The following UCP2 variants were observed in gnomAD, a reference collection of about 807,000 sequenced individuals.
UCP2 encodes the protein dicarboxylate carrier SLC25A8.
UCP2 carries 27 observed loss-of-function variants against 31.3 expected under a neutral mutation model. That is an observed-to-expected ratio of 0.86 (90% CI 0.64 to 1.19). The LOEUF (loss-of-function observed/expected upper bound fraction) is 1.19, where lower values mean the gene tolerates loss of function less well. Ranked by LOEUF, UCP2 falls within the 50% of genes most tolerant of loss-of-function variation. The pLI is 0.00. For missense variants in UCP2, 377 were observed against 413.5 expected (o/e 0.91, Z 0.76); for synonymous variants, 142 against 157.4 (o/e 0.90, Z 0.73).
chr11:73,975,774 CAGAG>C, intron 6 of UCP2, 103 bp from the exon 7 acceptor site: 2 of 1,425,744 alleles, frequency 1.4e-6, no homozygotes, highest in East Asian at 2.4e-5. Flanking sequence ...TTTAAAGAGA[CAGAG>C]AGGCTGGGCA....
chr11:73,980,048 C>T (rs1163019472), intron 2 of UCP2: 1 of 152,256 alleles, frequency 6.6e-6, no homozygotes, highest in Admixed American at 6.6e-5. Context: ...GGGTCCAGGT[C>T]AGAGCTGTGA....
At chr11:73,976,523 T>TCC in intron 6 of UCP2, 118 bp downstream of exon 6, 1 of 832,906 alleles carries the variant, frequency 1.2e-6, no homozygotes, top group Non-Finnish European at 2.0e-6. Flanking sequence ...TATCTTACTC[T>TCC]CCCTGCAAAG....
chr11:73,975,214 C>A, intron 7 of UCP2, 93 bp from the exon 8 acceptor site: 1 of 1,229,974 alleles, frequency 8.1e-7, no homozygotes, highest in Non-Finnish European at 1.2e-6. Context: ...TGCTCTGTCC[C>A]AAAGGAGGCT....
chr11:73,982,473 T>C (rs1018891145), intron 1 of UCP2, among the ~76,000 whole-genome samples: 1 of 152,044 alleles, frequency 6.6e-6, no homozygotes, highest in Admixed American at 6.6e-5. Context: ...TAATCCCAGC[T>C]ACTCGGCAGG....
Position 73,975,542 on chromosome 11 carries a change from T to G in UCP2, c.764A>C (p.His255Pro). 6.2e-7 allele frequency: 1 copy of G among 1,613,490 alleles called. No homozygotes were observed. The highest frequency in any genetic ancestry group is 1.3e-5 in the African/African-American group (1 of 75,030). The change falls in exon 7 of 8, where the codon CAC (histidine) becomes CCC (proline). Residue 255 changes from histidine to proline, a missense_variant. His to Pro is a moderately conservative substitution (Grantham distance 77). Transcript: ENST00000663595. ...SALGQYSSAG[H>P]CALTMLQKEG... Reference sequence around the variant, plus strand: ...CTTCTGGAGCATGGTAAGGGCACAGTGGCCAGCGCTACTGTACTGGCCCAG... The same window carrying G: ...CTTCTGGAGCATGGTAAGGGCACAGGGGCCAGCGCTACTGTACTGGCCCAG...
chr11:73,982,560 G>A (rs1260249009), intron 1 of UCP2, among the ~76,000 whole-genome samples, 161 bp downstream of exon 1: 1 of 152,244 alleles, frequency 6.6e-6, no homozygotes, highest in African/African-American at 2.4e-5. Flanking sequence ...GGGAGACAGA[G>A]CGAAAGCCTG....
chr11:73,974,934 AGAAG>A lies in UCP2; in HGVS notation c.*69_*72del. ...GAGAGAAGGGAAGGAGGGAAGAGAA[AGAAG>A]GAAGAAAAGGAAAGCATGGCCCGGC... On this transcript the variant is annotated 3_prime_UTR_variant, in exon 8 of 8. Coordinates refer to ENST00000663595, the MANE Select transcript of UCP2 (RefSeq NM_003355.3). 1.1e-6 allele frequency: 1 copy of A among 915,950 alleles called. No homozygotes were observed. The highest frequency in any genetic ancestry group is 2.1e-5 in the African/African-American group (1 of 47,982). 56.7% of individuals were successfully genotyped at this position (915,950 alleles called of 1,614,324 possible).
In UCP2 at chr11:73,978,056, C is replaced by T. The variant is rs765912243; in HGVS notation, c.167G>A (p.Ser56Asn). The T allele has an allele frequency of 2.5e-6, 4 of 1,614,196 alleles. No homozygotes were observed. Among genetic ancestry groups the T allele is most frequent in the South Asian group, 1.1e-5 (1 of 91,084 alleles). Reference protein sequence around the residue: ...ESQGPVRATASAQYRGVMGTI... With the variant: ...ESQGPVRATANAQYRGVMGTI... ...GCCCATCACACCGCGGTACTGGGCG[C>T]TGGCTGTAGCGCGCACTGGCCCCTG... Residue 56 changes from serine (S) to asparagine (N), a missense_variant, in exon 4 of 8, where the codon AGC becomes AAC. By Grantham distance (46) the Ser-to-Asn change is conservative. Coordinates refer to ENST00000663595, the MANE Select transcript of UCP2 (RefSeq NM_003355.3).
chr11:73,981,038 A>G (rs1488832240), intron 2 of UCP2: 1 of 152,216 alleles, frequency 6.6e-6, no homozygotes, highest in Non-Finnish European at 1.5e-5. Context: ...CCCTACTAAC[A>G]GCAATTAAAA....
intron 7 of UCP2, 134 bp from the exon 8 acceptor site, chr11:73,975,255 G>A: frequency 1.0e-6 from 1 of 964,896 alleles, no homozygotes; most frequent in South Asian, 1.4e-5. Context: ...GCTCACAGCT[G>A]CTTGGCTATA....
intron 2 of UCP2, chr11:73,980,174 T>C (rs909675472): frequency 6.6e-6 from 1 of 152,230 alleles, no homozygotes; most frequent in Non-Finnish European, 1.5e-5. Flanking sequence ...GACCTGCTTC[T>C]TCCCCTGAGC....
Position 73,978,008 on chromosome 11 carries a change from G to A in UCP2, c.215C>T (p.Thr72Ile). Reference protein sequence around the residue: ...VMGTILTMVRTEGPRSLYNGL... With the variant: ...VMGTILTMVRIEGPRSLYNGL... ...ATTGTAGAGGCTTCGGGGGCCCTCAGTACGCACCATGGTCAGAATGGTGCC... is the reference window on the plus strand; with the variant it reads ...ATTGTAGAGGCTTCGGGGGCCCTCAATACGCACCATGGTCAGAATGGTGCC... The change falls in exon 4 of 8, where the codon ACT becomes ATT. Residue 72 changes from threonine (T) to isoleucine (I), a missense_variant. Physicochemically the swap from Thr to Ile is moderately conservative, Grantham distance 89. Coordinates refer to ENST00000663595, the MANE Select transcript of UCP2 (RefSeq NM_003355.3). The A allele has an allele frequency of 6.2e-7, 1 of 1,614,218 alleles. No individual in the cohort carries two copies. The highest frequency in any genetic ancestry group is 8.5e-7 in the Non-Finnish European group (1 of 1,180,026).
rs546931955 is a variant in UCP2, at chr11:73,979,233, AG to A, written c.-99-757del. On this transcript the variant is annotated intron_variant, in intron 2 of 7. Transcript: ENST00000663595. ...GAACAACTAATGCCATTGGGAGAGA[AG>A]GAAGAGTGGGTGATCAGAAAAGACT... is the stretch of plus-strand genomic sequence containing the variant. Among the ~76,000 whole-genome samples the A allele has an allele frequency of 3.5e-3, 537 of 152,362 alleles. 1 individual carries two copies. Among genetic ancestry groups the A allele is most frequent in the Non-Finnish European group, 6.0e-3 (411 of 68,036 alleles).
Position 73,975,492 on chromosome 11 carries a change from C to A in UCP2, c.814G>T (p.Gly272Trp). ...GGGTGGGGAGGACCAGAGGCTCACC[C>A]TTTGTAGAAGGCTCGGGGCCCCTCC... ...QKEGPRAFYK[G>W]FMPSFLRLGS... is the part of the protein sequence containing the mutation. Residue 272 changes from glycine (G) to tryptophan (W), a missense_variant and splice_region_variant, in exon 7 of 8, where the codon GGG becomes TGG. Physicochemically the swap from Gly to Trp is radical, Grantham distance 184. Coordinates refer to ENST00000663595, the MANE Select transcript of UCP2 (RefSeq NM_003355.3). The A allele has an allele frequency of 5.0e-6, 8 of 1,609,278 alleles. No individual in the cohort carries two copies. The highest frequency in any genetic ancestry group is 6.8e-6 in the Non-Finnish European group (8 of 1,177,234).
At position 73,978,334 on chromosome 11, in the gene UCP2, C is replaced by G; in HGVS notation, c.45G>C (p.Val15=). 8 of 1,614,220 alleles carry G rather than the reference C, an allele frequency of 5.0e-6. No individual in the cohort carries two copies. Among genetic ancestry groups the G allele is most frequent in the Non-Finnish European group, 6.8e-6 (8 of 1,180,044 alleles). Residue 15 remains valine, a synonymous_variant, in exon 3 of 8, where the codon GTG becomes GTC. Transcript: ENST00000663595. ...KATDVPPTAT[V]KFLGAGTAAC... ...CAGCTGTGCCAGCCCCAAGAAACTT[C>G]ACAGTGGCAGTAGGGGGCACATCTG...
chr11:73,982,289 A>G (rs1951471854), intron 1 of UCP2, among the ~76,000 whole-genome samples: 1 of 152,266 alleles, frequency 6.6e-6, no homozygotes, highest in South Asian at 2.1e-4. Context: ...AACCAAGGAC[A>G]GAAAGGATTA....
rs779426591 is a variant in UCP2 at position 73,975,141 on chromosome 11, G to A, written c.816-20C>T. On this transcript the variant is annotated intron_variant, in intron 7 of 7. Transcript: ENST00000663595. ...ATGAACCTAGAGGAGAAAAATCACA[G>A]GTCATGGGGGCACCTCCACCTCCCA... 1.3e-6 allele frequency: 2 copies of A among 1,592,504 alleles called. No individual in the cohort carries two copies. Among genetic ancestry groups the A allele is most frequent in the South Asian group, 2.3e-5 (2 of 88,818 alleles).
rs746136811 is a variant in UCP2, at chr11:73,975,528, T to C, written c.778A>G (p.Met260Val). 1.3e-5 allele frequency: 21 copies of C among 1,612,274 alleles called. No individual in the cohort carries two copies. The highest frequency in any genetic ancestry group is 1.3e-5 in the Non-Finnish European group (15 of 1,178,784). The change falls in exon 7 of 8, where the codon ATG (methionine) becomes GTG (valine). Residue 260 changes from methionine to valine, a missense_variant. By Grantham distance (21) the Met-to-Val change is conservative (BLOSUM62 1). Coordinates refer to ENST00000663595, the MANE Select transcript of UCP2 (RefSeq NM_003355.3). The part of the protein sequence containing the change: ...YSSAGHCALT[M>V]LQKEGPRAFY... ...GCTCGGGGCCCCTCCTTCTGGAGCA[T>C]GGTAAGGGCACAGTGGCCAGCGCTA...
rs746505356 is a variant in UCP2, at chr11:73,976,990, G to C, written c.365C>G (p.Ala122Gly). 1.1e-5 allele frequency: 17 copies of C among 1,602,078 alleles called. No individual in the cohort carries two copies. Among genetic ancestry groups the C allele is most frequent in the Non-Finnish European group, 1.4e-5 (16 of 1,171,794 alleles). ...AGCCAGGGCACCTGTGGTGCTGCCTGCTAGGAGGCGGCTCCCAATGCTGGC... is the reference window on the plus strand; with the variant it reads ...AGCCAGGGCACCTGTGGTGCTGCCTCCTAGGAGGCGGCTCCCAATGCTGGC... The part of the protein sequence containing the change: ...EHASIGSRLL[A>G]GSTTGALAVA... The change falls in exon 5 of 8, where the codon GCA becomes GGA. Residue 122 changes from alanine (A) to glycine (G), a missense_variant. Ala to Gly is a moderately conservative substitution (Grantham distance 60). Coordinates refer to ENST00000663595, the MANE Select transcript of UCP2 (RefSeq NM_003355.3).
Sources: gnomAD v4.1 joint callset for allele counts (sites outside exome capture counted in the v4.1 genomes callset) on GRCh38, gnomAD v4.1.1 for gene constraint, MANE v1.5 for transcripts, NCBI Gene and HGNC (gene_info 2026-07-23, HGNC 2026-07-21) for gene names.